GCKR: variants seen among roughly 807,000 people sequenced by gnomAD.
The protein encoded by GCKR is glucokinase regulatory protein.
GCKR carries 73 observed loss-of-function variants against 82.9 expected under a neutral mutation model. The ratio of observed to expected loss-of-function variants is 0.88; its 90% CI spans 0.73 to 1.07. The LOEUF (loss-of-function observed/expected upper bound fraction) is 1.07, where lower values mean the gene tolerates loss of function less well. Among genes scored for constraint, GCKR ranks in the 50% least tolerant of loss-of-function variants. The pLI is 0.00. For synonymous variants in GCKR, 294 were observed against 291.8 expected (o/e 1.01, Z -0.08); for missense variants, 784 against 782.1 (o/e 1.00, Z -0.03).
chr2:27,512,083 A>T (rs1049558981), intron 16 of GCKR, among the ~76,000 whole-genome samples: 4 of 152,016 alleles, frequency 2.6e-5, no homozygotes, highest in Non-Finnish European at 5.9e-5. Context: ...TACTAAAAAT[A>T]CAAAAATTAG....
intron 17 of GCKR, among the ~76,000 whole-genome samples, chr2:27,519,177 G>A (rs1294113091): frequency 6.6e-6 from 1 of 152,172 alleles, no homozygotes; most frequent in African/African-American, 2.4e-5. Flanking sequence ...TGGAAAACGA[G>A]TTTATACTGG....
At chr2:27,505,179 G>A (rs1184004539) in intron 9 of GCKR, among the ~76,000 whole-genome samples, 4 of 132,342 alleles carry the variant, frequency 3.0e-5, no homozygotes, top group Non-Finnish European at 4.7e-5. Context: ...GGCGAATCAC[G>A]AGGTCAGGAG....
intron 8 of GCKR, among the ~76,000 whole-genome samples, chr2:27,501,531 A>C (rs1669577967): frequency 6.6e-6 from 1 of 152,226 alleles, no homozygotes; most frequent in East Asian, 1.9e-4. Flanking sequence ...ATGGAGGATA[A>C]AATGGGGTCA....
At chr2:27,522,960 G>A (rs536791503) in intron 18 of GCKR, among the ~76,000 whole-genome samples, 3 of 150,308 alleles carry the variant, frequency 2.0e-5, no homozygotes, top group East Asian at 2.0e-4. Flanking sequence ...GTGCAGTGGC[G>A]CGATCTCGGC....
rs1669423839 is a variant in GCKR at position 27,496,871 on chromosome 2, G to A, written c.-34G>A. Reference sequence around the variant, plus strand: ...CCAGAGGGGTTTGTGTGGCTGAAGAGGCAGGAGGAACAGTGTATCCACAGC... The same window carrying A: ...CCAGAGGGGTTTGTGTGGCTGAAGAAGCAGGAGGAACAGTGTATCCACAGC... On this transcript the variant is annotated 5_prime_UTR_variant, in exon 1 of 19. Transcript: ENST00000264717. The A allele has an allele frequency of 3.2e-6, 5 of 1,586,032 alleles. No individual in the cohort carries two copies. The highest frequency in any genetic ancestry group is 4.3e-6 in the Non-Finnish European group (5 of 1,154,626).
At position 27,505,225 on chromosome 2, in the gene GCKR, T is replaced by C. The variant is rs535989809; in HGVS notation, c.751-493T>C. Among the ~76,000 whole-genome samples, 300 of 133,474 alleles carry C rather than the reference T, an allele frequency of 2.2e-3. 1 individual carries two copies. The highest frequency in any genetic ancestry group is 3.9e-3 in the Admixed American group (49 of 12,678). The allele number at this position is 133,474 out of a possible 152,430, so 87.6% of individuals were successfully genotyped here. On this transcript the variant is annotated intron_variant, in intron 9 of 18. Transcript: ENST00000264717. ...TCCTGGCTAACACGGTGAAACCCCATCTCTACTAAAGATACAAAAAATTAG... is the reference window on the plus strand; with the variant it reads ...TCCTGGCTAACACGGTGAAACCCCACCTCTACTAAAGATACAAAAAATTAG...
Position 27,523,596 on chromosome 2 carries a change from G to C in GCKR, c.*157G>C. 1.4e-6 allele frequency: 1 copy of C among 711,006 alleles called. No individual in the cohort carries two copies. The highest frequency in any genetic ancestry group is 2.4e-6 in the Non-Finnish European group (1 of 410,060). The allele number at this position is 711,006 out of a possible 1,614,324, so 44.0% of individuals were successfully genotyped here. ...GGGAGAAATATTCTCTCCACTTTGGGGGAGAGTTCTTGCTCTCGACCTAGT... is the reference window on the plus strand; with the variant it reads ...GGGAGAAATATTCTCTCCACTTTGGCGGAGAGTTCTTGCTCTCGACCTAGT... On this transcript the variant is annotated 3_prime_UTR_variant, in exon 19 of 19. Transcript: ENST00000264717.
At chr2:27,512,171 A>C (rs1347359924) in intron 16 of GCKR, among the ~76,000 whole-genome samples, 1 of 143,740 alleles carries the variant, frequency 7.0e-6, no homozygotes. Context: ...CCTGGGAGGC[A>C]GAGGTTGCAG....
At chr2:27,507,114 T>C in intron 12 of GCKR, 121 bp from the exon 13 acceptor site, 1 of 810,790 alleles carries the variant, frequency 1.2e-6, no homozygotes, top group Non-Finnish European at 2.2e-6. Context: ...CAAGGGCTAC[T>C]CCTCACTCTA....
At chr2:27,507,416 G>T (rs528223565) in intron 13 of GCKR, 105 bp downstream of exon 13, 3 of 813,992 alleles carry the variant, frequency 3.7e-6, no homozygotes, top group African/African-American at 1.7e-5. Flanking sequence ...TGGAATAGAC[G>T]GTCCAGAGAA....
rs754662895 is a variant in GCKR, at chr2:27,505,746, T to C, written c.779T>C (p.Met260Thr). The C allele has an allele frequency of 1.9e-6, 3 of 1,611,568 alleles. No individual in the cohort carries two copies. In the South Asian group the frequency reaches 3.3e-5, roughly 18 times the overall value. ...GAGGGTCTCAGCGGCTCCTCCCGGATGAAAGGTGGAAGTGCCACCAAGATT... is the reference window on the plus strand; with the variant it reads ...GAGGGTCTCAGCGGCTCCTCCCGGACGAAAGGTGGAAGTGCCACCAAGATT... ...GPEGLSGSSR[M>T]KGGSATKILL... is the part of the protein sequence containing the mutation. The change falls in exon 10 of 19, where the codon ATG (methionine) becomes ACG (threonine). Residue 260 changes from methionine (M) to threonine (T), a missense_variant. Physicochemically the swap from Met to Thr is moderately conservative, Grantham distance 81 (BLOSUM62 -1). Coordinates refer to ENST00000264717, the MANE Select transcript of GCKR (RefSeq NM_001486.4).
intron 9 of GCKR, among the ~76,000 whole-genome samples, chr2:27,504,596 C>T (rs2148582834): frequency 6.6e-6 from 1 of 151,948 alleles, no homozygotes; most frequent in Admixed American, 6.5e-5. Context: ...GATCCGCCCG[C>T]CTCGGCCTCC....
intron 17 of GCKR, among the ~76,000 whole-genome samples, chr2:27,520,651 C>T (rs1339496247): frequency 6.6e-6 from 1 of 152,160 alleles, no homozygotes; most frequent in Non-Finnish European, 1.5e-5. Flanking sequence ...TATGTAAAAA[C>T]CAAAGCTGTA....
intron 16 of GCKR, among the ~76,000 whole-genome samples, chr2:27,515,765 A>ATATTTTTT (rs1286679766): frequency 9.4e-6 from 1 of 106,930 alleles, no homozygotes; most frequent in African/African-American, 3.8e-5. Flanking sequence ...ATATATATAT[A>ATATTTTTT]TTTTTTTTTT....
chr2:27,519,356 T>C (rs1227495088), intron 17 of GCKR, among the ~76,000 whole-genome samples: 1 of 151,776 alleles, frequency 6.6e-6, no homozygotes, highest in African/African-American at 2.4e-5. Context: ...GGCTGGAGTA[T>C]AGCGGTGCTA....
chr2:27,518,928 C>T lies in GCKR; in HGVS notation c.1563C>T (p.Ala521=). ...SNSKLFWRAL[A]MLQRFSGQSK... is the part of the protein sequence containing the mutation. ...CCAAGCTCTTCTGGCGGGCGCTGGCCATGCTGCAGGTAGGGATATGATGGG... is the reference window on the plus strand; with the variant it reads ...CCAAGCTCTTCTGGCGGGCGCTGGCTATGCTGCAGGTAGGGATATGATGGG... Residue 521 remains alanine, a synonymous_variant, in exon 17 of 19, where the codon GCC becomes GCT. Transcript: ENST00000264717. The T allele has an allele frequency of 7.0e-7, 1 of 1,433,526 alleles. No homozygotes were observed. Among genetic ancestry groups the T allele is most frequent in the African/African-American group, 1.4e-5 (1 of 70,694 alleles). The allele number at this position is 1,433,526 out of a possible 1,614,324, so 88.8% of individuals were successfully genotyped here.
intron 3 of GCKR, 136 bp from the exon 4 acceptor site, chr2:27,498,119 T>C (rs1262144967): frequency 1.4e-6 from 1 of 707,470 alleles, no homozygotes; most frequent in South Asian, 1.7e-5. Flanking sequence ...CTACATTGCA[T>C]GTATTTGTTC....
At chr2:27,509,139 C>T (rs941068176) in intron 16 of GCKR, among the ~76,000 whole-genome samples, 3 of 152,110 alleles carry the variant, frequency 2.0e-5, no homozygotes. Flanking sequence ...CCTGCCCACC[C>T]TCCATGGGCA....
chr2:27,500,441 A>G (rs1265411577), intron 7 of GCKR, among the ~76,000 whole-genome samples: 1 of 152,216 alleles, frequency 6.6e-6, no homozygotes, highest in Non-Finnish European at 1.5e-5. Flanking sequence ...TCCAGCCCCT[A>G]AAATAAAGTT....
Sources: gnomAD v4.1 joint callset for allele counts (sites outside exome capture counted in the v4.1 genomes callset) on GRCh38, gnomAD v4.1.1 for gene constraint, MANE v1.5 for transcripts, NCBI Gene and HGNC (gene_info 2026-07-23, HGNC 2026-07-21) for gene names.